CTNNA3: variants seen among roughly 807,000 people sequenced by gnomAD.
CTNNA3 encodes the protein catenin alpha 3, also known as catenin alpha-3.
CTNNA3 carries 76 observed loss-of-function variants against 95.7 expected under a neutral mutation model. That is an observed-to-expected ratio of 0.79 (90% CI 0.66 to 0.96). The LOEUF (loss-of-function observed/expected upper bound fraction) is 0.96. Ranked by LOEUF, CTNNA3 falls within the 40% of genes least tolerant of loss-of-function variation. The pLI, the probability that CTNNA3 is intolerant of heterozygous loss-of-function variation, is 0.00. For synonymous variants in CTNNA3, 431 were observed against 374.4 expected (o/e 1.15, Z -1.74); for missense variants, 1,191 against 1,089.8 (o/e 1.09, Z -1.31).
chr10:67,050,738 G>A (rs772153917), intron 7 of CTNNA3, among the ~76,000 whole-genome samples: 2 of 152,122 alleles, frequency 1.3e-5, no homozygotes, highest in South Asian at 2.1e-4. Flanking sequence ...ATGACCACTC[G>A]CATCAAATTA....
At chr10:66,193,971 C>T (rs1409051382) in intron 13 of CTNNA3, among the ~76,000 whole-genome samples, 1 of 152,086 alleles carries the variant, frequency 6.6e-6, no homozygotes, top group Non-Finnish European at 1.5e-5. Context: ...TAATATAACC[C>T]ATTATGTCTT....
chr10:67,230,558 T>C (rs566588235), intron 5 of CTNNA3, among the ~76,000 whole-genome samples: 46 of 152,166 alleles, frequency 3.0e-4, no homozygotes, highest in Middle Eastern at 3.4e-3. Context: ...AAAGGACTAA[T>C]ATCCAGAATC....
At chr10:67,011,408 G>A (rs988685809) in intron 7 of CTNNA3, among the ~76,000 whole-genome samples, 1 of 140,244 alleles carries the variant, frequency 7.1e-6, no homozygotes, top group Non-Finnish European at 1.6e-5. Context: ...TACAAATTCA[G>A]TAGAATACAC....
chr10:67,670,327 T>C (rs1564821255), intron 1 of CTNNA3, among the ~76,000 whole-genome samples: 2 of 152,240 alleles, frequency 1.3e-5, no homozygotes. Context: ...ATTGACTCTC[T>C]AAGTCTAGTT....
intron 10 of CTNNA3, among the ~76,000 whole-genome samples, chr10:66,563,621 C>G (rs886932602): frequency 4.6e-5 from 7 of 152,048 alleles, no homozygotes; most frequent in Non-Finnish European, 1.5e-5. Flanking sequence ...AAACCCTCCT[C>G]CGATTCTATT....
chr10:67,582,107 G>C (rs1564759298), intron 3 of CTNNA3, among the ~76,000 whole-genome samples: 1 of 144,590 alleles, frequency 6.9e-6, no homozygotes, highest in Non-Finnish European at 1.5e-5. Flanking sequence ...GCTAGCGTTT[G>C]AATGTGTTTG....
At chr10:66,479,989 T>G (rs551464212) in intron 11 of CTNNA3, among the ~76,000 whole-genome samples, 11 of 133,466 alleles carry the variant, frequency 8.2e-5, no homozygotes, top group Admixed American at 1.4e-4. Context: ...CCCCAGAACT[T>G]TCAACTCAGC....
At chr10:66,317,186 T>G (rs1482417015) in intron 12 of CTNNA3, among the ~76,000 whole-genome samples, 10 of 152,152 alleles carry the variant, frequency 6.6e-5, no homozygotes, top group Non-Finnish European at 4.4e-5. Flanking sequence ...GCAAGTTTAA[T>G]ACATTAAAAT....
At chr10:66,797,574 A>G (rs1169900455) in intron 7 of CTNNA3, among the ~76,000 whole-genome samples, 1 of 152,012 alleles carries the variant, frequency 6.6e-6, no homozygotes, top group South Asian at 2.1e-4. Context: ...TGAAAAGAAC[A>G]GTGCCATTAT....
intron 9 of CTNNA3, among the ~76,000 whole-genome samples, chr10:66,760,456 G>C (rs1216144038): frequency 6.7e-6 from 1 of 148,390 alleles, no homozygotes; most frequent in African/African-American, 2.6e-5. Context: ...GGAGTTTTTT[G>C]TTTGTTTGTT....
chr10:67,342,150 G>A lies in CTNNA3; in HGVS notation c.580-122280C>T, dbSNP rs192709817. ...AGAGTCTCACTCTGTCGCCCAGGCTGGAGTGCAAAGGCGCGGTCTCGGCTC... is the reference window on the plus strand; with the variant it reads ...AGAGTCTCACTCTGTCGCCCAGGCTAGAGTGCAAAGGCGCGGTCTCGGCTC... On this transcript the variant is annotated intron_variant, in intron 5 of 17. Coordinates refer to ENST00000433211, the MANE Select transcript of CTNNA3 (RefSeq NM_013266.4). Among the ~76,000 whole-genome samples, 152 of 129,952 alleles carry A rather than the reference G, an allele frequency of 1.2e-3. 1 individual carries two copies. Among genetic ancestry groups the A allele is most frequent in the African/African-American group, 4.1e-3 (147 of 35,456 alleles). The allele number at this position is 129,952 out of a possible 152,430, so 85.3% of individuals were successfully genotyped here. A position where few individuals can be genotyped will look rare whatever the true frequency, so the allele number is the denominator to read the frequency against.
intron 11 of CTNNA3, among the ~76,000 whole-genome samples, chr10:66,469,234 G>T (rs1839040848): frequency 6.6e-6 from 1 of 151,846 alleles, no homozygotes; most frequent in Admixed American, 6.6e-5. Flanking sequence ...TTGAAAGTAT[G>T]AAAAAACATT....
At chr10:67,559,751 C>T (rs960898060) in intron 3 of CTNNA3, among the ~76,000 whole-genome samples, 8 of 151,946 alleles carry the variant, frequency 5.3e-5, no homozygotes, top group Admixed American at 1.3e-4. Flanking sequence ...AAAATATAGA[C>T]GAATGTACAA....
chr10:67,340,875 C>G (rs182876603), intron 5 of CTNNA3, among the ~76,000 whole-genome samples: 5 of 152,088 alleles, frequency 3.3e-5, no homozygotes, highest in African/African-American at 1.2e-4. Flanking sequence ...TTTTTGGTGT[C>G]AATGGAAACT....
intron 5 of CTNNA3, among the ~76,000 whole-genome samples, chr10:67,482,090 T>C (rs865929206): frequency 3.0e-4 from 46 of 152,184 alleles, no homozygotes; most frequent in Middle Eastern, 3.4e-3. Flanking sequence ...AGGGCTCTGT[T>C]CTGTTCCATT....
intron 13 of CTNNA3, among the ~76,000 whole-genome samples, chr10:66,199,984 C>T (rs1280624700): frequency 6.7e-6 from 1 of 149,852 alleles, no homozygotes; most frequent in Non-Finnish European, 1.5e-5. Flanking sequence ...TTCCTATGGG[C>T]ATCAAATGAA....
At chr10:66,530,321 A>G (rs1020434435) in intron 10 of CTNNA3, among the ~76,000 whole-genome samples, 1 of 152,172 alleles carries the variant, frequency 6.6e-6, no homozygotes, top group Non-Finnish European at 1.5e-5. Context: ...AACCACTTAA[A>G]TTGGTAACAT....
chr10:66,749,394 G>A (rs139076292), intron 9 of CTNNA3, among the ~76,000 whole-genome samples: 1,733 of 151,950 alleles, frequency 0.011, 30 homozygotes, highest in African/African-American at 0.038. Flanking sequence ...CTATCCCCTG[G>A]CAACCACTAA....
At chr10:66,840,370 TCTCACACACACACA>T (rs1311128780) in intron 7 of CTNNA3, among the ~76,000 whole-genome samples, 53 of 74,816 alleles carry the variant, frequency 7.1e-4, no homozygotes, top group South Asian at 3.2e-3. Flanking sequence ...TCTCTCTCTC[TCTCACACACACACA>T]CACACACACA....
Sources: gnomAD v4.1 joint callset for allele counts (sites outside exome capture counted in the v4.1 genomes callset) on GRCh38, gnomAD v4.1.1 for gene constraint, MANE v1.5 for transcripts, NCBI Gene and HGNC (gene_info 2026-07-23, HGNC 2026-07-21) for gene names.